The following EYS variants were observed in gnomAD, a reference collection of about 807,000 sequenced individuals.
EYS encodes EGF-like photoreceptor maintenance factor.
In EYS, 250 loss-of-function variants were observed where a neutral mutation model predicts 282.1. The ratio of observed to expected loss-of-function variants is 0.89; its 90% CI spans 0.80 to 0.98. The LOEUF is 0.98. Ranked by LOEUF, EYS falls within the 50% of genes least tolerant of loss-of-function variation. The probability of loss-of-function intolerance (pLI) is 0.00; values close to 1 mark genes in which losing one functional copy is unlikely to be tolerated. For synonymous variants in EYS, 1,355 were observed against 1,282.9 expected (o/e 1.06, Z -1.20); for missense variants, 4,016 against 3,709.0 (o/e 1.08, Z -2.15).
At chr6:64,172,751 A>G (rs1764519605) in intron 31 of EYS, among the ~76,000 whole-genome samples, 1 of 152,136 alleles carries the variant, frequency 6.6e-6, no homozygotes, top group Non-Finnish European at 1.5e-5. Context: ...ATCTAGAATC[A>G]TATCTGTGCT....
chr6:64,613,318 T>C (rs1222703659), intron 24 of EYS, among the ~76,000 whole-genome samples: 1 of 152,030 alleles, frequency 6.6e-6, no homozygotes, highest in Non-Finnish European at 1.5e-5. Context: ...AAAAGACACA[T>C]TGAATTACAT....
At chr6:64,274,951 C>A (rs1768062011) in intron 30 of EYS, among the ~76,000 whole-genome samples, 1 of 152,172 alleles carries the variant, frequency 6.6e-6, no homozygotes, top group Non-Finnish European at 1.5e-5. Flanking sequence ...ACAAAGAGCT[C>A]TGAACGTGAT....
At chr6:65,378,834 T>G (rs1765497684) in intron 8 of EYS, among the ~76,000 whole-genome samples, 1 of 151,744 alleles carries the variant, frequency 6.6e-6, no homozygotes, top group African/African-American at 2.4e-5. Flanking sequence ...AGTTGAACAA[T>G]GAGAACACAT....
intron 34 of EYS, among the ~76,000 whole-genome samples, chr6:63,987,407 C>T (rs1051361249): frequency 6.6e-6 from 1 of 151,668 alleles, no homozygotes; most frequent in Non-Finnish European, 1.5e-5. Flanking sequence ...TGTGCATTGA[C>T]CAGAATGATG....
rs541171638 is a variant in EYS, at chr6:64,430,330, C to T, written c.5927+5844G>A. On this transcript the variant is annotated intron_variant, in intron 28 of 42. Transcript: ENST00000503581. ...GTGATGATGAAACAATTTTTCATTC[C>T]TAGGCATTATGCGCCAGTACGCCGG... is the stretch of plus-strand genomic sequence containing the variant. Among the ~76,000 whole-genome samples the T allele has an allele frequency of 2.0e-5, 3 of 152,196 alleles. No homozygotes were observed. The South Asian group carries it at 6.2e-4, about 32-fold the overall frequency.
intron 11 of EYS, chr6:65,329,784 A>G (rs545274904): frequency 1.0e-6 from 1 of 981,790 alleles, no homozygotes; most frequent in East Asian, 1.1e-4. Flanking sequence ...AATCCTGGTC[A>G]AATTATACTA....
At chr6:65,091,271 TAAAAAA>T (rs397887871) in intron 12 of EYS, among the ~76,000 whole-genome samples, 1 of 56,418 alleles carries the variant, frequency 1.8e-5, no homozygotes. Flanking sequence ...CCATCTCCCC[TAAAAAA>T]AAAAAAAAAA....
chr6:64,289,387 G>A (rs1250117129), intron 30 of EYS, among the ~76,000 whole-genome samples: 1 of 151,952 alleles, frequency 6.6e-6, no homozygotes, highest in Non-Finnish European at 1.5e-5. Context: ...CCTTGCTTTT[G>A]CTTCGTTTTG....
In EYS at chr6:64,732,699, G is replaced by A. The variant is rs1346166465; in HGVS notation, c.3443+80679C>T. ...CCCAAACCTCTAAATAACAGGACAGGCTCAGATACCTCAGGGATCAGGCAG... is the reference window on the plus strand; with the variant it reads ...CCCAAACCTCTAAATAACAGGACAGACTCAGATACCTCAGGGATCAGGCAG... On this transcript the variant is annotated intron_variant, in intron 22 of 42. Coordinates refer to ENST00000503581, the MANE Select transcript of EYS (RefSeq NM_001142800.2). Among the ~76,000 whole-genome samples, 3 of 152,080 alleles carry A rather than the reference G, an allele frequency of 2.0e-5. No homozygotes were observed. The East Asian group carries it at 5.8e-4, about 29-fold the overall frequency.
chr6:65,233,221 A>G (rs1766835731), intron 12 of EYS, among the ~76,000 whole-genome samples: 1 of 151,726 alleles, frequency 6.6e-6, no homozygotes, highest in South Asian at 2.1e-4. Context: ...TATGGGTCAT[A>G]TTTTCTTGTT....
chr6:63,897,537 T>C (rs1341685158), intron 35 of EYS, among the ~76,000 whole-genome samples: 1 of 152,134 alleles, frequency 6.6e-6, no homozygotes, highest in Non-Finnish European at 1.5e-5. Context: ...AGAGGCAAGA[T>C]ATGGATTCTC....
chr6:65,137,950 T>C (rs963922985), intron 12 of EYS, among the ~76,000 whole-genome samples: 3 of 152,046 alleles, frequency 2.0e-5, no homozygotes, highest in African/African-American at 7.2e-5. Context: ...ATATCACACC[T>C]TGGGCAGAAA....
intron 41 of EYS, among the ~76,000 whole-genome samples, chr6:63,746,656 G>A (rs942497238): frequency 4.6e-5 from 7 of 152,140 alleles, no homozygotes; most frequent in African/African-American, 1.7e-4. Context: ...AGTCTTGGGA[G>A]GGTGTATGTG....
chr6:64,640,953 C>A (rs4604253), intron 22 of EYS, among the ~76,000 whole-genome samples: 160 of 152,082 alleles, frequency 1.1e-3, no homozygotes, highest in African/African-American at 3.5e-3. Context: ...CATTCATTAA[C>A]GACATGACAT....
intron 34 of EYS, among the ~76,000 whole-genome samples, chr6:63,986,589 T>A (rs1344469610): frequency 6.6e-6 from 1 of 151,744 alleles, no homozygotes; most frequent in Non-Finnish European, 1.5e-5. Flanking sequence ...TGGAATAATA[T>A]GCAGCCATAA....
At chr6:64,947,452 A>G (rs1442324717) in intron 14 of EYS, among the ~76,000 whole-genome samples, 1 of 151,844 alleles carries the variant, frequency 6.6e-6, no homozygotes, top group African/African-American at 2.4e-5. Flanking sequence ...AAAGCACAAG[A>G]ATGAGAGCCA....
chr6:65,070,525 A>T (rs189324215), intron 12 of EYS, among the ~76,000 whole-genome samples: 1 of 150,556 alleles, frequency 6.6e-6, no homozygotes, highest in African/African-American at 2.4e-5. Context: ...TGTAATTTTA[A>T]TTTTTTTTTG....
chr6:64,395,167 CT>C (rs1161525218), intron 28 of EYS, among the ~76,000 whole-genome samples: 1 of 151,990 alleles, frequency 6.6e-6, no homozygotes, highest in Non-Finnish European at 1.5e-5. Flanking sequence ...AATAGGAACA[CT>C]TTTACACTGT....
At chr6:64,598,546 A>T (rs1462879424) in intron 24 of EYS, among the ~76,000 whole-genome samples, 2 of 152,194 alleles carry the variant, frequency 1.3e-5, no homozygotes, top group Non-Finnish European at 2.9e-5. Context: ...TTAAAAAATT[A>T]TTTTCTTTCT....
Sources: allele counts gnomAD v4.1 joint callset (sites outside exome capture counted in the v4.1 genomes callset), GRCh38; gene constraint gnomAD v4.1.1; transcripts MANE v1.5; gene names NCBI Gene and HGNC (gene_info 2026-07-23, HGNC 2026-07-21).